Variants in RNF214 observed in about 807,000 individuals in gnomAD.
The protein encoded by RNF214 is ring finger protein 214.
RNF214 carries 25 observed loss-of-function variants against 75.9 expected under a neutral mutation model. That is an observed-to-expected ratio of 0.33 (90% confidence interval 0.24 to 0.46). RNF214 has a LOEUF of 0.46. Ranked by LOEUF, RNF214 falls within the 20% of genes least tolerant of loss-of-function variation. The probability of loss-of-function intolerance (pLI) is 1.00; values close to 1 mark genes in which losing one functional copy is unlikely to be tolerated. For missense variants in RNF214, 725 were observed against 857.5 expected (o/e 0.85, Z 1.93); for synonymous variants, 314 against 308.8 (o/e 1.02, Z -0.18).
In RNF214 at chr11:117,234,322, C is replaced by T. The variant is rs774643831; in HGVS notation, c.50C>T (p.Pro17Leu). The T allele has an allele frequency of 6.2e-6, 10 of 1,614,078 alleles. No individual in the cohort carries two copies. Among genetic ancestry groups the T allele is most frequent in the African/African-American group, 4.0e-5 (3 of 74,920 alleles). Residue 17 changes from proline (P) to leucine (L), a missense_variant, in exon 2 of 15, where the codon CCG becomes CTG. Physicochemically the swap from Pro to Leu is moderately conservative, Grantham distance 98. Around this residue, in one of 2 missense-constraint regions of RNF214, gnomAD observed 362 missense variants for 344.5 expected, o/e 1.05. Coordinates refer to ENST00000300650, the MANE Select transcript of RNF214 (RefSeq NM_207343.4). ...AGVVANAPSP[P>L]ESSSLCASKS... ...GTTGTGGCCAATGCCCCCAGTCCTCCGGAATCTTCTAGTTTATGTGCTTCC... is the reference window on the plus strand; with the variant it reads ...GTTGTGGCCAATGCCCCCAGTCCTCTGGAATCTTCTAGTTTATGTGCTTCC...
At chr11:117,236,394 C>T (rs920711372) in intron 2 of RNF214, among the ~76,000 whole-genome samples, 1 of 152,170 alleles carries the variant, frequency 6.6e-6, no homozygotes, top group Non-Finnish European at 1.5e-5. Context: ...CTGCCTAAGC[C>T]TCCTGAGTAG....
chr11:117,234,435 G>C (rs1371416185), intron 2 of RNF214, 56 bp downstream of exon 2: 1 of 1,242,592 alleles, frequency 8.0e-7, no homozygotes, highest in Non-Finnish European at 1.2e-6. Flanking sequence ...TTTTTGAGAT[G>C]GTCTTGTGTA....
intron 2 of RNF214, among the ~76,000 whole-genome samples, chr11:117,238,383 T>G (rs948319018): frequency 2.6e-5 from 4 of 152,160 alleles, no homozygotes; most frequent in Non-Finnish European, 4.4e-5. Context: ...CTAGCTTGGG[T>G]GACAGAGTTT....
At chr11:117,275,614 T>C (rs1043764476) in intron 6 of RNF214, among the ~76,000 whole-genome samples, 1 of 152,138 alleles carries the variant, frequency 6.6e-6, no homozygotes, top group Non-Finnish European at 1.5e-5. Context: ...TGAACACATA[T>C]ATGTATACAA....
At chr11:117,276,121 G>A (rs950476615) in intron 6 of RNF214, among the ~76,000 whole-genome samples, 4 of 151,986 alleles carry the variant, frequency 2.6e-5, no homozygotes, top group South Asian at 2.1e-4. Context: ...CACATAAACC[G>A]AATTAAAAAC....
chr11:117,256,024 C>G (rs1307940549), intron 6 of RNF214, among the ~76,000 whole-genome samples: 1 of 152,190 alleles, frequency 6.6e-6, no homozygotes, highest in Admixed American at 6.5e-5. Flanking sequence ...TACTTGCCCA[C>G]ACAACCGTGC....
At chr11:117,266,082 A>T (rs1481108599) in intron 6 of RNF214, among the ~76,000 whole-genome samples, 1 of 152,190 alleles carries the variant, frequency 6.6e-6, no homozygotes, top group Non-Finnish European at 1.5e-5. Flanking sequence ...CTATTGTATG[A>T]ATATTTCACA....
At chr11:117,269,858 A>C (rs1591836274) in intron 6 of RNF214, among the ~76,000 whole-genome samples, 3 of 152,352 alleles carry the variant, frequency 2.0e-5, no homozygotes, top group Admixed American at 2.0e-4. Context: ...AAATGTCATC[A>C]TAAGTTGAAA....
intron 11 of RNF214, 32 bp downstream of exon 11, chr11:117,282,302 T>G (rs755628343): frequency 6.3e-7 from 1 of 1,579,206 alleles, no homozygotes; most frequent in Non-Finnish European, 8.6e-7. Flanking sequence ...TTCAGATGTC[T>G]CTATCAGAGA....
intron 8 of RNF214, among the ~76,000 whole-genome samples, chr11:117,281,012 G>C (rs1407094024): frequency 5.6e-5 from 8 of 142,314 alleles, no homozygotes; most frequent in Non-Finnish European, 9.1e-5. Context: ...TTAATGACAG[G>C]GTCTCCCTCT....
chr11:117,239,521 G>A, intron 3 of RNF214: 1 of 483,076 alleles, frequency 2.1e-6, no homozygotes. Context: ...GAGAAAGTAT[G>A]GGCACAACAG....
At chr11:117,281,502 A>C in intron 9 of RNF214, 98 bp downstream of exon 9, 1 of 1,376,826 alleles carries the variant, frequency 7.3e-7, no homozygotes, top group Non-Finnish European at 1.0e-6. Context: ...TTTGGGGCCT[A>C]TCCTACTATT....
At chr11:117,274,097 T>C (rs1196787591) in intron 6 of RNF214, among the ~76,000 whole-genome samples, 1 of 152,174 alleles carries the variant, frequency 6.6e-6, no homozygotes, top group Admixed American at 6.5e-5. Context: ...CTGCATGTGC[T>C]GCAAGCCTCG....
At chr11:117,274,603 A>T (rs947087101) in intron 6 of RNF214, among the ~76,000 whole-genome samples, 2 of 150,144 alleles carry the variant, frequency 1.3e-5, no homozygotes, top group Non-Finnish European at 3.0e-5. Context: ...TCCTGACCTT[A>T]GGTTATCTGC....
intron 1 of RNF214, among the ~76,000 whole-genome samples, chr11:117,233,951 A>G (rs1213120516): frequency 6.6e-6 from 1 of 152,226 alleles, no homozygotes; most frequent in Non-Finnish European, 1.5e-5. Context: ...GCCTGGGACC[A>G]CTTGGAAGAT....
At chr11:117,250,869 G>GC (rs1417277912) in intron 6 of RNF214, among the ~76,000 whole-genome samples, 116 of 147,394 alleles carry the variant, frequency 7.9e-4, no homozygotes, top group Non-Finnish European at 1.4e-3. Context: ...ATCTTGCACC[G>GC]CCCTTAATCC....
At chr11:117,265,380 G>T (rs983125494) in intron 6 of RNF214, among the ~76,000 whole-genome samples, 3 of 152,036 alleles carry the variant, frequency 2.0e-5, no homozygotes, top group East Asian at 1.9e-4. Context: ...AGTCATAATT[G>T]TAGAAACTTA....
rs1259054760 is a variant in RNF214 at position 117,238,892 on chromosome 11, G to C, written c.399G>C (p.Arg133=). The part of the protein sequence containing the change: ...SLRESLHPVT[R]SLKAGCHTKQ... ...GGGAGAGCCTCCATCCAGTCACTCG[G>C]TCTCTTAAGGCAGGGTGCCATACTA... The change falls in exon 3 of 15, where the codon CGG becomes CGC. Residue 133 remains arginine, a synonymous_variant. Coordinates refer to ENST00000300650, the MANE Select transcript of RNF214 (RefSeq NM_207343.4). The C allele has an allele frequency of 1.2e-6, 2 of 1,614,078 alleles. No individual in the cohort carries two copies. The highest frequency in any genetic ancestry group is 1.7e-6 in the Non-Finnish European group (2 of 1,180,048).
chr11:117,244,004 CAG>C (rs1220243511), intron 4 of RNF214, among the ~76,000 whole-genome samples: 4 of 152,176 alleles, frequency 2.6e-5, no homozygotes, highest in Non-Finnish European at 1.5e-5. Flanking sequence ...TTTTTTGAGA[CAG>C]AGTCTTGCTC....
Sources: allele counts gnomAD v4.1 joint callset (sites outside exome capture counted in the v4.1 genomes callset), GRCh38; gene constraint gnomAD v4.1.1; regional missense constraint gnomAD v4.1.1; transcripts MANE v1.5; gene names NCBI Gene and HGNC (gene_info 2026-07-23, HGNC 2026-07-21).